The following SEZ6 variants were observed in gnomAD, a reference collection of about 807,000 sequenced individuals.
SEZ6 encodes the protein seizure protein 6 homolog.
SEZ6 carries 53 observed loss-of-function variants against 101.0 expected under a neutral mutation model. The observed-to-expected ratio is 0.52, with a 90% CI of 0.42 to 0.66. The LOEUF (loss-of-function observed/expected upper bound fraction) is 0.66. Among genes scored for constraint, SEZ6 ranks in the 30% least tolerant of loss-of-function variants. The probability of loss-of-function intolerance (pLI) is 0.00; values close to 1 mark genes in which losing one functional copy is unlikely to be tolerated. For missense variants in SEZ6, 1,102 were observed against 1,289.4 expected (o/e 0.85, Z 2.23); for synonymous variants, 488 against 512.2 (o/e 0.95, Z 0.64).
intron 1 of SEZ6, among the ~76,000 whole-genome samples, chr17:28,992,459 A>G (rs2041475665): frequency 6.6e-6 from 1 of 152,122 alleles, no homozygotes; most frequent in Non-Finnish European, 1.5e-5. Context: ...TGCCTGTGCC[A>G]CAAGTCACTA....
chr17:28,958,993 C>T, intron 10 of SEZ6, 32 bp downstream of exon 10: 1 of 1,584,492 alleles, frequency 6.3e-7, no homozygotes, highest in Middle Eastern at 1.7e-4. Context: ...GGCTTGCTGT[C>T]TGCACTCTGA....
chr17:29,005,800 G>T lies in SEZ6; in HGVS notation c.55+15C>A. The T allele has an allele frequency of 6.7e-7, 1 of 1,482,878 alleles. No individual in the cohort carries two copies. Among genetic ancestry groups the T allele is most frequent in the Non-Finnish European group, 9.0e-7 (1 of 1,116,640 alleles). The allele number at this position is 1,482,878 out of a possible 1,614,324, so 91.9% of individuals were successfully genotyped here. A position where few individuals can be genotyped will look rare whatever the true frequency, so the allele number is the denominator to read the frequency against. ...TCCCGCCCCCGTCCTGCCGCCGGAT[G>T]CCGGGGTCCCTTACCGTGAGCCAGG... On this transcript the variant is annotated intron_variant, in intron 1 of 16. Coordinates refer to ENST00000317338, the MANE Select transcript of SEZ6 (RefSeq NM_178860.5). The surrounding 1 kb of genome is among the most constrained non-coding windows in gnomAD (Gnocchi z 4.8).
rs1374940103 is a variant in SEZ6 at position 29,005,641 on chromosome 17, C to T, written c.55+174G>A. 1.3e-5 allele frequency among the ~76,000 whole-genome samples: 2 copies of T among 151,160 alleles called. No homozygotes were observed. Among genetic ancestry groups the T allele is most frequent in the African/African-American group, 4.8e-5 (2 of 41,312 alleles). On this transcript the variant is annotated intron_variant, in intron 1 of 16. Coordinates refer to ENST00000317338, the MANE Select transcript of SEZ6 (RefSeq NM_178860.5). The surrounding 1 kb of genome is among the most constrained non-coding windows in gnomAD (Gnocchi z 4.8). ...TGGCGGGAGCCGCGGCAGCTTCCCG[C>T]CCGCGAAGCCCGCGCCCCGCCCGGC... is the stretch of plus-strand genomic sequence containing the variant.
chr17:28,962,785 A>C (rs1414296556), intron 5 of SEZ6, among the ~76,000 whole-genome samples: 1 of 150,964 alleles, frequency 6.6e-6, no homozygotes, highest in Non-Finnish European at 1.5e-5. Context: ...CATCTCAAAA[A>C]AAAAAAAAAA....
At position 29,005,650 on chromosome 17, in the gene SEZ6, C is replaced by T. The variant is rs1680391438; in HGVS notation, c.55+165G>A. On this transcript the variant is annotated intron_variant, in intron 1 of 16. Transcript: ENST00000317338. This position sits in a 1 kb window ranked among gnomAD's most constrained non-coding sequence, Gnocchi z 4.8. The stretch of plus-strand genomic sequence containing the variant: ...CCGCGGCAGCTTCCCGCCCGCGAAG[C>T]CCGCGCCCCGCCCGGCTTGGCCGGC... 2.0e-5 allele frequency among the ~76,000 whole-genome samples: 3 copies of T among 151,154 alleles called. No individual in the cohort carries two copies. The highest frequency in any genetic ancestry group is 4.4e-5 in the Non-Finnish European group (3 of 67,694).
intron 7 of SEZ6, chr17:28,960,133 C>T: frequency 1.7e-6 from 1 of 592,592 alleles, no homozygotes. Context: ...GTGCTTAGTA[C>T]ACAGAAGGTA....
At chr17:28,957,909 G>C (rs761682326) in intron 11 of SEZ6, 38 bp downstream of exon 11, 4 of 1,591,034 alleles carry the variant, frequency 2.5e-6, no homozygotes, top group Non-Finnish European at 3.4e-6. Flanking sequence ...TTTGGAGTTT[G>C]TGTTGGGAAG....
rs2040883801 is a variant in SEZ6 at position 28,956,683 on chromosome 17, G to A, written c.2731+36C>T. 4 of 1,554,716 alleles carry A rather than the reference G, an allele frequency of 2.6e-6. No individual in the cohort carries two copies. The African/African-American group carries it at 5.5e-5, about 21-fold the overall frequency. On this transcript the variant is annotated intron_variant, in intron 14 of 16. Transcript: ENST00000317338. ...GGGAGCCGTGAGAACCAGGACCAGG[G>A]AGACCACTTCTCTGGCCTCAAGGGT... is the stretch of plus-strand genomic sequence containing the variant.
intron 3 of SEZ6, among the ~76,000 whole-genome samples, chr17:28,974,379 A>G (rs1567991248): frequency 1.3e-5 from 2 of 151,862 alleles, no homozygotes; most frequent in Admixed American, 6.6e-5. Flanking sequence ...TAACCCACCA[A>G]TCCAAACTCT....
At chr17:28,960,394 G>T in intron 7 of SEZ6, 111 bp downstream of exon 7, 1 of 1,405,576 alleles carries the variant, frequency 7.1e-7, no homozygotes, top group Non-Finnish European at 9.7e-7. Context: ...GGGCTGACTT[G>T]GAAGGAGTGA....
Position 28,955,716 on chromosome 17 carries a change from C to G in SEZ6, c.*246G>C, listed in dbSNP as rs1234006637. Reference sequence around the variant, plus strand: ...GCTTGTGCTCCAGCTATGTTCTTCCCACAGGTAGATGCCCCCTGACATGGG... The same window carrying G: ...GCTTGTGCTCCAGCTATGTTCTTCCGACAGGTAGATGCCCCCTGACATGGG... On this transcript the variant is annotated 3_prime_UTR_variant, in exon 17 of 17. Transcript: ENST00000317338. The G allele has an allele frequency of 1.5e-6, 1 of 679,636 alleles. No homozygotes were observed. Among genetic ancestry groups the G allele is most frequent in the Non-Finnish European group, 2.7e-6 (1 of 370,746 alleles). The allele number at this position is 679,636 out of a possible 1,614,324, so 42.1% of individuals were successfully genotyped here. A position where few individuals can be genotyped will look rare whatever the true frequency, so the allele number is the denominator to read the frequency against.
intron 1 of SEZ6, among the ~76,000 whole-genome samples, chr17:28,987,594 C>T (rs899983408): frequency 2.0e-5 from 3 of 152,152 alleles, no homozygotes; most frequent in Admixed American, 6.5e-5. Flanking sequence ...AGGGATGTGG[C>T]TCCTCCAAGG....
At chr17:28,992,363 C>CGT (rs1444661683) in intron 1 of SEZ6, among the ~76,000 whole-genome samples, 20 of 151,848 alleles carry the variant, frequency 1.3e-4, no homozygotes, top group Non-Finnish European at 1.9e-4. Flanking sequence ...TGTGCACGTG[C>CGT]GTGTGTGTGT....
At position 28,957,346 on chromosome 17, in the gene SEZ6, AC is replaced by A; in HGVS notation, c.2494+1del. 1 of 1,612,410 alleles carries A rather than the reference AC, an allele frequency of 6.2e-7. No individual in the cohort carries two copies. The highest frequency in any genetic ancestry group is 8.5e-7 in the Non-Finnish European group (1 of 1,178,620). ...TTTCCCTCCTACTCAATTGACACTT[AC>A]GGAGACATTTAGGGGCCCGGTCACT... On this transcript the variant is annotated splice_donor_variant, in intron 12 of 16. Coordinates refer to ENST00000317338, the MANE Select transcript of SEZ6 (RefSeq NM_178860.5). LOFTEE classifies it high-confidence loss of function.
intron 2 of SEZ6, 68 bp from the exon 3 acceptor site, chr17:28,979,881 G>C (rs368458208): frequency 2.4e-5 from 3 of 122,458 alleles, no homozygotes; most frequent in Non-Finnish European, 3.1e-5. Context: ...AGGCTGAACC[G>C]TGTGTGTGTG....
At chr17:28,957,760 T>TA (rs2040907544) in intron 11 of SEZ6, 187 bp downstream of exon 11, 24 of 852,492 alleles carry the variant, frequency 2.8e-5, no homozygotes, top group African/African-American at 5.1e-5. Flanking sequence ...ATGAAATACT[T>TA]AGAGTACGTG....
intron 1 of SEZ6, among the ~76,000 whole-genome samples, chr17:28,998,869 C>T (rs1373597988): frequency 2.0e-5 from 3 of 152,172 alleles, no homozygotes; most frequent in Non-Finnish European, 4.4e-5. Context: ...GGTCCCTGGC[C>T]AGGAGTCTCC....
intron 3 of SEZ6, among the ~76,000 whole-genome samples, chr17:28,979,435 T>C (rs557230974): frequency 6.6e-6 from 1 of 152,336 alleles, no homozygotes; most frequent in East Asian, 1.9e-4. Flanking sequence ...GTAGGGTTTA[T>C]ACTCACCCAG....
chr17:28,997,981 A>T (rs2041565117), intron 1 of SEZ6, among the ~76,000 whole-genome samples: 1 of 151,368 alleles, frequency 6.6e-6, no homozygotes, highest in Non-Finnish European at 1.5e-5. Flanking sequence ...AGGCTCTGGG[A>T]CTCCTTAGGC....
Sources: allele counts gnomAD v4.1 joint callset (sites outside exome capture counted in the v4.1 genomes callset), GRCh38; gene constraint gnomAD v4.1.1; non-coding constraint Gnocchi (gnomAD v3.1); transcripts MANE v1.5; gene names NCBI Gene and HGNC (gene_info 2026-07-23, HGNC 2026-07-21).